Variants in RNF113B observed in about 807,000 individuals in gnomAD.
RNF113B encodes zinc finger protein 183-like 1.
Under a neutral mutation model 22.2 loss-of-function variants are expected in RNF113B, and 12 were observed. That is an observed-to-expected ratio of 0.54 (90% CI 0.35 to 0.87). RNF113B has a LOEUF of 0.87. RNF113B is among the 40% of genes least tolerant of loss of function. The pLI is 0.01. For missense variants in RNF113B, 442 were observed against 455.4 expected (o/e 0.97, Z 0.27); for synonymous variants, 194 against 184.6 (o/e 1.05, Z -0.41).
Position 98,176,306 on chromosome 13 carries a change from G to GT in RNF113B, c.930dup (p.Leu311ThrfsTer30). ...CCTTCTGCAGCCTGAAGCTTTTGCA[G>GT]TTTCGCCATCAGTTCTTTGGCGGGG... On this transcript the variant is annotated frameshift_variant, in exon 1 of 2. Transcript: ENST00000267291. LOFTEE classifies it low-confidence loss of function (END_TRUNC). The surrounding 1 kb of genome is among the most constrained non-coding windows in gnomAD (Gnocchi z 6.2). 6.2e-7 allele frequency: 1 copy of GT among 1,612,978 alleles called. No homozygotes were observed. Among genetic ancestry groups the GT allele is most frequent in the Middle Eastern group, 1.7e-4 (1 of 6,056 alleles).
chr13:98,177,195 T>C lies in RNF113B; in HGVS notation c.42A>G (p.Ala14=). The change falls in exon 1 of 2, where the codon GCA becomes GCG. Residue 14 remains alanine (A), a synonymous_variant. Transcript: ENST00000267291. ...TGAAGAGGAAGGTGCATACCTGGTC[T>C]GCTTGGTCGGCCGTCCTTCCTGGAG... The part of the protein sequence containing the change: ...PPSPGRTADQ[A]DQVCTFLFKK... 1 of 1,580,100 alleles carries C rather than the reference T, an allele frequency of 6.3e-7. No individual in the cohort carries two copies. Among genetic ancestry groups the C allele is most frequent in the Non-Finnish European group, 8.6e-7 (1 of 1,164,302 alleles).
At position 98,176,250 on chromosome 13, in the gene RNF113B, G is replaced by A. The variant is rs1360894984; in HGVS notation, c.955+32C>T. ...AAGCCATGGGAATTGGACACTCATGGGGGTCTTCTGTGAAATGGGACTTGC... is the reference window on the plus strand; with the variant it reads ...AAGCCATGGGAATTGGACACTCATGAGGGTCTTCTGTGAAATGGGACTTGC... On this transcript the variant is annotated intron_variant, in intron 1 of 1. Transcript: ENST00000267291. This position sits in a 1 kb window ranked among gnomAD's most constrained non-coding sequence, Gnocchi z 6.2. The A allele has an allele frequency of 1.2e-6, 2 of 1,607,302 alleles. No homozygotes were observed. Among genetic ancestry groups the A allele is most frequent in the South Asian group, 1.1e-5 (1 of 90,792 alleles).
In RNF113B at chr13:98,176,232, G is replaced by A. The variant is rs1409699049; in HGVS notation, c.955+50C>T. The A allele has an allele frequency of 1.2e-6, 2 of 1,606,914 alleles. No homozygotes were observed. The highest frequency in any genetic ancestry group is 1.7e-6 in the Non-Finnish European group (2 of 1,174,238). On this transcript the variant is annotated intron_variant, in intron 1 of 1. Coordinates refer to ENST00000267291, the MANE Select transcript of RNF113B (RefSeq NM_178861.5). This position sits in a 1 kb window ranked among gnomAD's most constrained non-coding sequence, Gnocchi z 6.2. ...GAGAATTATGGGAAACCTAAGCCAT[G>A]GGAATTGGACACTCATGGGGGTCTT... is the stretch of plus-strand genomic sequence containing the variant.
In RNF113B at chr13:98,176,285, C is replaced by G. The variant is rs1300067516; in HGVS notation, c.952G>C (p.Glu318Gln). The change falls in exon 1 of 2, where the codon GAA (glutamate) becomes CAA (glutamine). Residue 318 changes from glutamate (E) to glutamine (Q), a missense_variant. Glu to Gln is a conservative substitution (Grantham distance 29). Coordinates refer to ENST00000267291, the MANE Select transcript of RNF113B (RefSeq NM_178861.5). The surrounding 1 kb of genome is among the most constrained non-coding windows in gnomAD (Gnocchi z 6.2). ...MAKLQKLQAA[E>Q]GKKR is the part of the protein sequence containing the mutation. ...GTGAAATGGGACTTGCCCCCACCTTCTGCAGCCTGAAGCTTTTGCAGTTTC... is the reference window on the plus strand; with the variant it reads ...GTGAAATGGGACTTGCCCCCACCTTGTGCAGCCTGAAGCTTTTGCAGTTTC... The G allele has an allele frequency of 1.2e-6, 2 of 1,612,302 alleles. No homozygotes were observed. Among genetic ancestry groups the G allele is most frequent in the African/African-American group, 2.7e-5 (2 of 74,968 alleles).
Position 98,176,591 on chromosome 13 carries a change from C to A in RNF113B, c.646G>T (p.Asp216Tyr). ...CACCCGAGCTTGTAATCGGAACGGT[C>A]GTGGAGGAATTTGCAGCTGTCCCCG... ...GFGDSCKFLH[D>Y]RSDYKLGWEI... Residue 216 changes from aspartate (D) to tyrosine (Y), a missense_variant, in exon 1 of 2, where the codon GAC becomes TAC. Coordinates refer to ENST00000267291, the MANE Select transcript of RNF113B (RefSeq NM_178861.5). The surrounding 1 kb of genome is among the most constrained non-coding windows in gnomAD (Gnocchi z 6.2). 1 of 1,614,196 alleles carries A rather than the reference C, an allele frequency of 6.2e-7. No individual in the cohort carries two copies. The highest frequency in any genetic ancestry group is 8.5e-7 in the Non-Finnish European group (1 of 1,180,038).
At position 98,176,794 on chromosome 13, in the gene RNF113B, C is replaced by G; in HGVS notation, c.443G>C (p.Arg148Pro). 6.2e-7 allele frequency: 1 copy of G among 1,613,530 alleles called. No individual in the cohort carries two copies. Among genetic ancestry groups the G allele is most frequent in the Non-Finnish European group, 8.5e-7 (1 of 1,180,006 alleles). Residue 148 changes from arginine to proline, a missense_variant, in exon 1 of 2, where the codon CGG (arginine) becomes CCG (proline). Physicochemically the swap from Arg to Pro is moderately radical, Grantham distance 103. Coordinates refer to ENST00000267291, the MANE Select transcript of RNF113B (RefSeq NM_178861.5). This position sits in a 1 kb window ranked among gnomAD's most constrained non-coding sequence, Gnocchi z 6.2. ...LRGREHDHIY[R>P]GIHSYLRYLK... ...GTACCTCAGGTAGCTGTGGATTCCC[C>G]GGTAGATGTGGTCGTGCTCCCGACC...
Position 98,176,862 on chromosome 13 carries a change from C to T in RNF113B, c.375G>A (p.Pro125=), listed in dbSNP as rs772052064. The T allele has an allele frequency of 2.3e-5, 37 of 1,608,640 alleles. No individual in the cohort carries two copies. The East Asian group carries it at 7.6e-4, about 33-fold the overall frequency. ...CCCGCTGGCTGCACTTGAGGATGGT[C>T]GGCGTATGGTGCTCCTTCTCGGTGT... ...EQDTEKEHHT[P]TILKCSQRVQ... is the part of the protein sequence containing the mutation. The change falls in exon 1 of 2, where the codon CCG becomes CCA. Residue 125 remains proline (P), a synonymous_variant. Coordinates refer to ENST00000267291, the MANE Select transcript of RNF113B (RefSeq NM_178861.5). This position sits in a 1 kb window ranked among gnomAD's most constrained non-coding sequence, Gnocchi z 6.2.
chr13:98,176,329 G>A lies in RNF113B; in HGVS notation c.908C>T (p.Pro303Leu). ...CDQPTGGIFN[P>L]AKELMAKLQK... ...CAGTTTCGCCATCAGTTCTTTGGCG[G>A]GGTTAAAGATGCCGCCGGTTGGCTG... is the stretch of plus-strand genomic sequence containing the variant. Residue 303 changes from proline to leucine, a missense_variant, in exon 1 of 2, where the codon CCC becomes CTC. Physicochemically the swap from Pro to Leu is moderately conservative, Grantham distance 98. Transcript: ENST00000267291. This position sits in a 1 kb window ranked among gnomAD's most constrained non-coding sequence, Gnocchi z 6.2. The A allele has an allele frequency of 1.2e-6, 2 of 1,613,816 alleles. No homozygotes were observed. Among genetic ancestry groups the A allele is most frequent in the Non-Finnish European group, 1.7e-6 (2 of 1,179,708 alleles).
chr13:98,176,365 T>C lies in RNF113B; in HGVS notation c.872A>G (p.Tyr291Cys), dbSNP rs1269774758. 1 of 1,614,232 alleles carries C rather than the reference T, an allele frequency of 6.2e-7. No individual in the cohort carries two copies. Among genetic ancestry groups the C allele is most frequent in the Non-Finnish European group, 8.5e-7 (1 of 1,180,036 alleles). The change falls in exon 1 of 2, where the codon TAC becomes TGC. Residue 291 changes from tyrosine to cysteine, a missense_variant. Transcript: ENST00000267291. This position sits in a 1 kb window ranked among gnomAD's most constrained non-coding sequence, Gnocchi z 6.2. ...LEHFRATPRC[Y>C]ICDQPTGGIF... ...GCCGCCGGTTGGCTGGTCACAGATG[T>C]AGCAGCGCGGGGTGGCCCGGAAGTG...
chr13:98,176,712 G>T lies in RNF113B; in HGVS notation c.525C>A (p.Gly175=), dbSNP rs1378493706. ...GNSSSGMARK[G]PIRAPGHLRA... is the part of the protein sequence containing the mutation. ...GCAGATGCCCTGGCGCACGTATGGG[G>T]CCCTTCCTCGCCATCCCCGAGGAGG... The change falls in exon 1 of 2, where the codon GGC becomes GGA. Residue 175 remains glycine, a synonymous_variant. Coordinates refer to ENST00000267291, the MANE Select transcript of RNF113B (RefSeq NM_178861.5). This position sits in a 1 kb window ranked among gnomAD's most constrained non-coding sequence, Gnocchi z 6.2. 1 of 1,614,044 alleles carries T rather than the reference G, an allele frequency of 6.2e-7. No individual in the cohort carries two copies. Among genetic ancestry groups the T allele is most frequent in the African/African-American group, 1.3e-5 (1 of 74,944 alleles).
At position 98,176,713 on chromosome 13, in the gene RNF113B, C is replaced by T; in HGVS notation, c.524G>A (p.Gly175Asp). Reference protein sequence around the residue: ...GNSSSGMARKGPIRAPGHLRA... With the variant: ...GNSSSGMARKDPIRAPGHLRA... ...CAGATGCCCTGGCGCACGTATGGGG[C>T]CCTTCCTCGCCATCCCCGAGGAGGA... The change falls in exon 1 of 2, where the codon GGC becomes GAC. Residue 175 changes from glycine to aspartate, a missense_variant. Coordinates refer to ENST00000267291, the MANE Select transcript of RNF113B (RefSeq NM_178861.5). This position sits in a 1 kb window ranked among gnomAD's most constrained non-coding sequence, Gnocchi z 6.2. 1.2e-6 allele frequency: 2 copies of T among 1,614,178 alleles called. No homozygotes were observed. The highest frequency in any genetic ancestry group is 1.7e-6 in the Non-Finnish European group (2 of 1,180,040).
In RNF113B at chr13:98,177,058, G is replaced by T. The variant is rs1413114605; in HGVS notation, c.179C>A (p.Pro60Gln). Residue 60 changes from proline (P) to glutamine (Q), a missense_variant, in exon 1 of 2, where the codon CCG becomes CAG. Coordinates refer to ENST00000267291, the MANE Select transcript of RNF113B (RefSeq NM_178861.5). Reference sequence around the variant, plus strand: ...GCCCCGGGGCCTCGGTGCCACCCGCGGGGGCTGAGCCACTGTGTCGCCCTC... The same window carrying T: ...GCCCCGGGGCCTCGGTGCCACCCGCTGGGGCTGAGCCACTGTGTCGCCCTC... ...GDEGDTVAQPPRVAPRPRGLH... is the reference protein window; with the variant it reads ...GDEGDTVAQPQRVAPRPRGLH... 1.9e-6 allele frequency: 3 copies of T among 1,594,946 alleles called. No homozygotes were observed. The South Asian group carries it at 3.3e-5, about 18-fold the overall frequency.
At position 98,176,253 on chromosome 13, in the gene RNF113B, G is replaced by C. The variant is rs373285066; in HGVS notation, c.955+29C>G. 4 of 1,605,752 alleles carry C rather than the reference G, an allele frequency of 2.5e-6. No homozygotes were observed. The highest frequency in any genetic ancestry group is 3.4e-6 in the Non-Finnish European group (4 of 1,173,084). On this transcript the variant is annotated intron_variant, in intron 1 of 1. Coordinates refer to ENST00000267291, the MANE Select transcript of RNF113B (RefSeq NM_178861.5). This position sits in a 1 kb window ranked among gnomAD's most constrained non-coding sequence, Gnocchi z 6.2. ...CCATGGGAATTGGACACTCATGGGG[G>C]TCTTCTGTGAAATGGGACTTGCCCC...
chr13:98,176,939 C>G lies in RNF113B; in HGVS notation c.298G>C (p.Ala100Pro). The G allele has an allele frequency of 6.2e-7, 1 of 1,602,870 alleles. No homozygotes were observed. The highest frequency in any genetic ancestry group is 8.5e-7 in the Non-Finnish European group (1 of 1,179,900). Residue 100 changes from alanine to proline, a missense_variant, in exon 1 of 2, where the codon GCG becomes CCG. Physicochemically the swap from Ala to Pro is conservative, Grantham distance 27. Coordinates refer to ENST00000267291, the MANE Select transcript of RNF113B (RefSeq NM_178861.5). The surrounding 1 kb of genome is among the most constrained non-coding windows in gnomAD (Gnocchi z 6.2). ...ATGTCCTCTGGCCCCACAGGCTTCG[C>G]CGAGCGGGTGGACCTGTACACCACG... Reference protein sequence around the residue: ...LDVVYRSTRSAKPVGPEDMGA... With the variant: ...LDVVYRSTRSPKPVGPEDMGA...
Position 98,176,760 on chromosome 13 carries a change from G to T in RNF113B, c.477C>A (p.Pro159=), listed in dbSNP as rs1878080277. Residue 159 remains proline, a synonymous_variant, in exon 1 of 2, where the codon CCC becomes CCA. Transcript: ENST00000267291. This position sits in a 1 kb window ranked among gnomAD's most constrained non-coding sequence, Gnocchi z 6.2. The stretch of plus-strand genomic sequence containing the variant: ...AGGAGTTGCCCATGGACGTGTCCTT[G>T]GGCTTCAGGTACCTCAGGTAGCTGT... ...GIHSYLRYLK[P]KDTSMGNSSS... is the part of the protein sequence containing the mutation. The T allele has an allele frequency of 6.2e-7, 1 of 1,613,888 alleles. No homozygotes were observed. Among genetic ancestry groups the T allele is most frequent in the African/African-American group, 1.3e-5 (1 of 74,904 alleles).
rs1449264282 is a variant in RNF113B at position 98,176,628 on chromosome 13, G to A, written c.609C>T (p.Gly203=). The change falls in exon 1 of 2, where the codon GGC becomes GGT. Residue 203 remains glycine, a synonymous_variant. Coordinates refer to ENST00000267291, the MANE Select transcript of RNF113B (RefSeq NM_178861.5). The surrounding 1 kb of genome is among the most constrained non-coding windows in gnomAD (Gnocchi z 6.2). ...PDICKDYKET[G]FCGFGDSCKF... ...TGCAGCTGTCCCCGAAGCCACAGAAGCCAGTCTCCTTGTAGTCCTTGCAGA... is the reference window on the plus strand; with the variant it reads ...TGCAGCTGTCCCCGAAGCCACAGAAACCAGTCTCCTTGTAGTCCTTGCAGA... 3.7e-6 allele frequency: 6 copies of A among 1,614,134 alleles called. No individual in the cohort carries two copies. In the African/African-American group the frequency reaches 8.0e-5, roughly 22 times the overall value.
chr13:98,177,051 C>G lies in RNF113B; in HGVS notation c.186G>C (p.Val62=), dbSNP rs771288194. The G allele has an allele frequency of 3.1e-6, 5 of 1,594,160 alleles. No individual in the cohort carries two copies. In the African/African-American group the frequency reaches 6.7e-5, roughly 21 times the overall value. Residue 62 remains valine (V), a synonymous_variant, in exon 1 of 2, where the codon GTG becomes GTC. Coordinates refer to ENST00000267291, the MANE Select transcript of RNF113B (RefSeq NM_178861.5). ...EGDTVAQPPR[V]APRPRGLHSW... ...TGTGGAGGCCCCGGGGCCTCGGTGC[C>G]ACCCGCGGGGGCTGAGCCACTGTGT... is the stretch of plus-strand genomic sequence containing the variant.
chr13:98,177,074 T>A lies in RNF113B; in HGVS notation c.163A>T (p.Thr55Ser), dbSNP rs1878124292. 1 of 1,597,354 alleles carries A rather than the reference T, an allele frequency of 6.3e-7. No individual in the cohort carries two copies. The highest frequency in any genetic ancestry group is 1.3e-5 in the African/African-American group (1 of 74,960). The part of the protein sequence containing the change: ...ESSSSGDEGD[T>S]VAQPPRVAPR... ...GCCACCCGCGGGGGCTGAGCCACTG[T>A]GTCGCCCTCGTCCCCGCTGCTGCTG... is the stretch of plus-strand genomic sequence containing the variant. Residue 55 changes from threonine (T) to serine (S), a missense_variant, in exon 1 of 2, where the codon ACA (threonine) becomes TCA (serine). Physicochemically the swap from Thr to Ser is moderately conservative, Grantham distance 58. Coordinates refer to ENST00000267291, the MANE Select transcript of RNF113B (RefSeq NM_178861.5).
In RNF113B at chr13:98,176,277, C is replaced by T. The variant is rs1186521879; in HGVS notation, c.955+5G>A. On this transcript the variant is annotated splice_donor_5th_base_variant and intron_variant, in intron 1 of 1. Transcript: ENST00000267291. The surrounding 1 kb of genome is among the most constrained non-coding windows in gnomAD (Gnocchi z 6.2). The stretch of plus-strand genomic sequence containing the variant: ...GGTCTTCTGTGAAATGGGACTTGCC[C>T]CCACCTTCTGCAGCCTGAAGCTTTT... 1 of 1,611,980 alleles carries T rather than the reference C, an allele frequency of 6.2e-7. No homozygotes were observed. Among genetic ancestry groups the T allele is most frequent in the East Asian group, 2.2e-5 (1 of 44,846 alleles).
Sources: allele counts gnomAD v4.1 joint callset, GRCh38; gene constraint gnomAD v4.1.1; non-coding constraint Gnocchi (gnomAD v3.1); transcripts MANE v1.5; gene names NCBI Gene and HGNC (gene_info 2026-07-23, HGNC 2026-07-21).